Variants in SLC4A8 observed in about 807,000 individuals in gnomAD.
SLC4A8 encodes solute carrier family 4 member 8.
In SLC4A8, 40 loss-of-function variants were observed where a neutral mutation model predicts 125.0. The ratio of observed to expected loss-of-function variants is 0.32; its 90% CI spans 0.25 to 0.42. The LOEUF is 0.42. Among genes scored for constraint, SLC4A8 ranks in the 10% least tolerant of loss-of-function variants. The probability of loss-of-function intolerance (pLI) is 1.00; values close to 1 mark genes in which losing one functional copy is unlikely to be tolerated. For missense variants in SLC4A8, 863 were observed against 1,355.1 expected, an observed-to-expected ratio of 0.64 and a Z score of 5.70; for synonymous variants, 456 against 476.0, an observed-to-expected ratio of 0.96 and a Z score of 0.55.
chr12:51,493,594 A>G (rs1951379555), intron 19 of SLC4A8, 110 bp from the exon 20 acceptor site: 1 of 742,598 alleles, frequency 1.3e-6, no homozygotes. Context: ...ATGTGTCTGC[A>G]GCTATTTTGT....
In SLC4A8 at chr12:51,509,197, G is replaced by A. The variant is rs538829339; in HGVS notation, c.*1759G>A. On this transcript the variant is annotated 3_prime_UTR_variant, in exon 25 of 25. Transcript: ENST00000453097. ...TAAAATGGTGTTCCTTTGAATCGTG[G>A]GTATTGTTCCTGGTTTGTCTCATTT... 6.5e-6 allele frequency: 1 copy of A among 152,700 alleles called. No homozygotes were observed. The highest frequency in any genetic ancestry group is 6.5e-5 in the Admixed American group (1 of 15,284). 9.5% of individuals were successfully genotyped at this position (152,700 alleles called of 1,614,324 possible).
Position 51,475,211 on chromosome 12 carries a change from G to C in SLC4A8, c.2172+5G>C. On this transcript the variant is annotated splice_donor_5th_base_variant and intron_variant, in intron 16 of 24. Transcript: ENST00000453097. The stretch of plus-strand genomic sequence containing the variant: ...AGCCGTTATTTCCCAACCAGAGTAG[G>C]TAGCATGTTCATGCATTTCTTTCAC... The C allele has an allele frequency of 6.2e-7, 1 of 1,613,464 alleles. No homozygotes were observed. The highest frequency in any genetic ancestry group is 8.5e-7 in the Non-Finnish European group (1 of 1,179,584).
intron 14 of SLC4A8, among the ~76,000 whole-genome samples, chr12:51,472,300 G>A (rs2138310122): frequency 6.6e-6 from 1 of 152,308 alleles, no homozygotes; most frequent in South Asian, 2.1e-4. Flanking sequence ...GTTGTGAAAT[G>A]AACAACTTCA....
intron 8 of SLC4A8, among the ~76,000 whole-genome samples, chr12:51,460,604 A>C (rs1026467261): frequency 6.6e-5 from 10 of 152,238 alleles, no homozygotes; most frequent in African/African-American, 2.4e-4. Context: ...AGTTCTGTAG[A>C]GCCATATTCC....
At chr12:51,458,141 A>G (rs1457120548) in intron 6 of SLC4A8, among the ~76,000 whole-genome samples, 3 of 152,172 alleles carry the variant, frequency 2.0e-5, no homozygotes, top group Admixed American at 2.0e-4. Context: ...TTGGCTACTG[A>G]TTGGTTCCTT....
chr12:51,445,350 T>C (rs529705915), intron 2 of SLC4A8, among the ~76,000 whole-genome samples: 1 of 152,202 alleles, frequency 6.6e-6, no homozygotes, highest in Admixed American at 6.5e-5. Context: ...TTATTTTTTA[T>C]AGAGGTGGAA....
intron 1 of SLC4A8, among the ~76,000 whole-genome samples, chr12:51,413,545 T>C (rs1948630941): frequency 6.6e-6 from 1 of 152,238 alleles, no homozygotes; most frequent in Admixed American, 6.5e-5. Flanking sequence ...TATTTATAGT[T>C]CCTGGTCTTA....
chr12:51,439,159 T>A (rs1310691215), intron 1 of SLC4A8, among the ~76,000 whole-genome samples: 5 of 152,068 alleles, frequency 3.3e-5, no homozygotes, highest in Admixed American at 3.3e-4. Flanking sequence ...CAGGTTCAAG[T>A]GATTCTCCTG....
intron 22 of SLC4A8, chr12:51,497,336 C>A (rs1236636328): frequency 1.9e-6 from 1 of 530,136 alleles, no homozygotes; most frequent in East Asian, 3.4e-5. Flanking sequence ...TTATTTTTTC[C>A]TTTGTTTACA....
chr12:51,412,071 A>T (rs1352491280), intron 1 of SLC4A8, among the ~76,000 whole-genome samples: 5 of 152,172 alleles, frequency 3.3e-5, no homozygotes, highest in Non-Finnish European at 7.3e-5. Context: ...CAAAAAAAGA[A>T]AAATTGTTAC....
chr12:51,493,580 T>C (rs1425020470), intron 19 of SLC4A8, 124 bp from the exon 20 acceptor site: 8 of 676,028 alleles, frequency 1.2e-5, no homozygotes, highest in Non-Finnish European at 1.9e-5. Context: ...CAGAAACTAA[T>C]GCAATGTGTC....
At position 51,453,581 on chromosome 12, in the gene SLC4A8, C is replaced by T; in HGVS notation, c.456C>T (p.Arg152=). ...AAGATGTTGAAGATGGGGGAGAACG[C>T]TGGAGCAAGCCTTATGTGGCAACCC... is the stretch of plus-strand genomic sequence containing the variant. ...FEEDVEDGGE[R]WSKPYVATLS... is the part of the protein sequence containing the mutation. The change falls in exon 5 of 25, where the codon CGC becomes CGT. Residue 152 remains arginine (R), a synonymous_variant. Coordinates refer to ENST00000453097, the MANE Select transcript of SLC4A8 (RefSeq NM_001039960.3). 1 of 1,614,192 alleles carries T rather than the reference C, an allele frequency of 6.2e-7. No individual in the cohort carries two copies. Among genetic ancestry groups the T allele is most frequent in the Non-Finnish European group, 8.5e-7 (1 of 1,180,010 alleles).
chr12:51,431,844 A>G (rs1436387028), intron 1 of SLC4A8, among the ~76,000 whole-genome samples: 2 of 152,128 alleles, frequency 1.3e-5, no homozygotes, highest in African/African-American at 4.8e-5. Context: ...TTAAGAAGGT[A>G]ATAATGTGGA....
At chr12:51,469,566 T>G (rs1242689364) in intron 11 of SLC4A8, 48 bp from the exon 12 acceptor site, 4 of 1,554,688 alleles carry the variant, frequency 2.6e-6, no homozygotes, top group Non-Finnish European at 3.5e-6. Context: ...TTACATGCTT[T>G]TAGGGAAGAC....
chr12:51,480,548 C>T (rs767380838), intron 16 of SLC4A8: 15 of 986,876 alleles, frequency 1.5e-5, no homozygotes, highest in South Asian at 4.6e-5. Context: ...ACTTTCTTCC[C>T]GTAAATATCT....
chr12:51,486,865 A>G (rs1411977275), intron 17 of SLC4A8, among the ~76,000 whole-genome samples: 1 of 152,196 alleles, frequency 6.6e-6, no homozygotes, highest in Non-Finnish European at 1.5e-5. Context: ...CTGAAATGCC[A>G]CCAGTTGGAA....
At chr12:51,452,913 G>C (rs1950012176) in intron 4 of SLC4A8, among the ~76,000 whole-genome samples, 1 of 152,208 alleles carries the variant, frequency 6.6e-6, no homozygotes, top group South Asian at 2.1e-4. Flanking sequence ...GGAGCGAGAT[G>C]GGTAATTAGC....
In SLC4A8 at chr12:51,475,255, A is replaced by C. The variant is rs753779499; in HGVS notation, c.2172+49A>C. The C allele has an allele frequency of 1.9e-6, 3 of 1,580,690 alleles. No homozygotes were observed. In the African/African-American group the frequency reaches 4.0e-5, roughly 21 times the overall value. On this transcript the variant is annotated intron_variant, in intron 16 of 24. Coordinates refer to ENST00000453097, the MANE Select transcript of SLC4A8 (RefSeq NM_001039960.3). ...CTTTCACGTTAGAATCAAATATAAC[A>C]GAACCTTTTCTCAGCCTTCATGCTG... is the stretch of plus-strand genomic sequence containing the variant.
At chr12:51,427,653 T>C (rs1949041078) in intron 1 of SLC4A8, among the ~76,000 whole-genome samples, 1 of 152,150 alleles carries the variant, frequency 6.6e-6, no homozygotes, top group Admixed American at 6.5e-5. Context: ...CAATTAAACC[T>C]TCTATGTGCT....
Sources: allele counts gnomAD v4.1 joint callset (sites outside exome capture counted in the v4.1 genomes callset), GRCh38; gene constraint gnomAD v4.1.1; transcripts MANE v1.5; gene names NCBI Gene and HGNC (gene_info 2026-07-23, HGNC 2026-07-21).